Variants in ANKRD33B observed in about 807,000 individuals in gnomAD.
ANKRD33B encodes ankyrin repeat domain-containing protein 33B.
ANKRD33B carries 6 observed loss-of-function variants against 21.5 expected under a neutral mutation model. The observed-to-expected ratio is 0.28, with a 90% CI of 0.15 to 0.55. The LOEUF (loss-of-function observed/expected upper bound fraction) is 0.55, where lower values mean the gene tolerates loss of function less well. Among genes scored for constraint, ANKRD33B ranks in the 20% least tolerant of loss-of-function variants. ANKRD33B has a pLI of 0.94. For missense variants in ANKRD33B, 698 were observed against 747.2 expected (o/e 0.93, Z 0.77); for synonymous variants, 347 against 342.4 (o/e 1.01, Z -0.15).
chr5:10,645,515 T>C (rs772790354), intron 3 of ANKRD33B, among the ~76,000 whole-genome samples: 2 of 152,206 alleles, frequency 1.3e-5, no homozygotes, highest in Non-Finnish European at 2.9e-5. Flanking sequence ...AAATCCTGAC[T>C]AGACAGTGGC....
intron 1 of ANKRD33B, among the ~76,000 whole-genome samples, chr5:10,591,194 G>GTTTTTTTTTTTTTTTTT (rs749837253): frequency 3.5e-5 from 4 of 113,496 alleles, no homozygotes; most frequent in African/African-American, 6.5e-5. Flanking sequence ...TTTTTTTAGT[G>GTTTTTTTTTTTTTTTTT]GTTTTTTTTT....
chr5:10,603,893 G>A, intron 1 of ANKRD33B, among the ~76,000 whole-genome samples: 1 of 149,698 alleles, frequency 6.7e-6, no homozygotes. Flanking sequence ...TTCAAAAGGA[G>A]AACTTTTTTT....
chr5:10,569,384 C>G (rs1735126706), intron 1 of ANKRD33B, among the ~76,000 whole-genome samples: 2 of 151,940 alleles, frequency 1.3e-5, no homozygotes, highest in Admixed American at 1.3e-4. Flanking sequence ...ATCACTTGAG[C>G]CTAGGAGTTT....
intron 1 of ANKRD33B, among the ~76,000 whole-genome samples, chr5:10,575,227 G>T (rs181219134): frequency 3.0e-4 from 45 of 151,710 alleles, no homozygotes; most frequent in African/African-American, 1.1e-3. Context: ...GATCAAGACC[G>T]TCCTGGCCAA....
At position 10,566,439 on chromosome 5, in the gene ANKRD33B, G is replaced by C. The variant is rs374083256; in HGVS notation, c.366+1606G>C. The stretch of plus-strand genomic sequence containing the variant: ...TTGCTTTCTGGAAGCCAGTATGGGG[G>C]CCCGCTTTAAAGGAAGCCTCACCAA... On this transcript the variant is annotated intron_variant, in intron 1 of 3. Coordinates refer to ENST00000296657, the MANE Select transcript of ANKRD33B (RefSeq NM_001164440.2). Among the ~76,000 whole-genome samples the C allele has an allele frequency of 4.7e-3, 723 of 152,246 alleles. 3 individuals carry two copies. The highest frequency in any genetic ancestry group is 0.016 in the African/African-American group (684 of 41,528).
chr5:10,564,910 C>T (rs1208791287), intron 1 of ANKRD33B, 77 bp downstream of exon 1: 14 of 1,431,728 alleles, frequency 9.8e-6, no homozygotes, highest in Admixed American at 2.6e-5. Context: ...CCCCGCGCCT[C>T]CCAGCTCCTG....
At position 10,564,211 on chromosome 5, in the gene ANKRD33B, G is replaced by C. The variant is rs955536531; in HGVS notation, c.-257G>C. Reference sequence around the variant, plus strand: ...GGGGCGCGAGGGGAAGGCCCCGGGGGAAGGCGTGTCCCCGCGCCCCGCCCC... The same window carrying C: ...GGGGCGCGAGGGGAAGGCCCCGGGGCAAGGCGTGTCCCCGCGCCCCGCCCC... On this transcript the variant is annotated 5_prime_UTR_variant, in exon 1 of 4. Coordinates refer to ENST00000296657, the MANE Select transcript of ANKRD33B (RefSeq NM_001164440.2). 6.4e-6 allele frequency: 1 copy of C among 155,786 alleles called. No individual in the cohort carries two copies. Among genetic ancestry groups the C allele is most frequent in the Non-Finnish European group, 1.4e-5 (1 of 70,666 alleles). The allele number at this position is 155,786 out of a possible 1,614,324, so 9.7% of individuals were successfully genotyped here.
At chr5:10,604,289 TCAA>T (rs1735995008) in intron 1 of ANKRD33B, among the ~76,000 whole-genome samples, 1 of 150,178 alleles carries the variant, frequency 6.7e-6, no homozygotes, top group African/African-American at 2.5e-5. Context: ...CTTCCTGGGT[TCAA>T]GTGATTCTCC....
chr5:10,635,139 TTC>T (rs1736825811), intron 2 of ANKRD33B, among the ~76,000 whole-genome samples: 2 of 152,252 alleles, frequency 1.3e-5, no homozygotes, highest in South Asian at 4.2e-4. Context: ...TTTTTCCTCT[TTC>T]CACCTGTTCA....
At chr5:10,580,667 AGGCCAGTT>A (rs1560962813) in intron 1 of ANKRD33B, among the ~76,000 whole-genome samples, 1 of 151,850 alleles carries the variant, frequency 6.6e-6, no homozygotes, top group Non-Finnish European at 1.5e-5. Context: ...TGTGGAGAGT[AGGCCAGTT>A]GGCTTTGCCT....
At chr5:10,579,366 T>G (rs199560224) in intron 1 of ANKRD33B, among the ~76,000 whole-genome samples, 1 of 147,536 alleles carries the variant, frequency 6.8e-6, no homozygotes, top group Non-Finnish European at 1.5e-5. Context: ...TTTTTTTTTT[T>G]GGAAAAACCA....
chr5:10,582,053 T>C lies in ANKRD33B; in HGVS notation c.366+17220T>C, dbSNP rs558343048. The stretch of plus-strand genomic sequence containing the variant: ...CCCTGGACCACTTTCCTAAGAGTCA[T>C]GTGTGCATTCAGCCTCATGTGCAGA... On this transcript the variant is annotated intron_variant, in intron 1 of 3. Coordinates refer to ENST00000296657, the MANE Select transcript of ANKRD33B (RefSeq NM_001164440.2). Among the ~76,000 whole-genome samples, 113 of 152,308 alleles carry C rather than the reference T, an allele frequency of 7.4e-4. 1 individual carries two copies. The highest frequency in any genetic ancestry group is 3.4e-3 in the Middle Eastern group (1 of 294).
intron 1 of ANKRD33B, among the ~76,000 whole-genome samples, chr5:10,614,278 G>A (rs1736236871): frequency 6.6e-6 from 1 of 152,184 alleles, no homozygotes; most frequent in Admixed American, 6.5e-5. Context: ...TTTCCTCAAA[G>A]TCTGTTGATT....
chr5:10,574,101 C>T (rs1162282044), intron 1 of ANKRD33B, among the ~76,000 whole-genome samples: 11 of 152,208 alleles, frequency 7.2e-5, no homozygotes, highest in East Asian at 5.8e-4. Flanking sequence ...CGTGAGCAGG[C>T]GTGTACACAC....
intron 2 of ANKRD33B, among the ~76,000 whole-genome samples, chr5:10,620,536 A>T (rs1416067639): frequency 6.6e-6 from 1 of 152,110 alleles, no homozygotes; most frequent in East Asian, 1.9e-4. Flanking sequence ...GTACGATAAG[A>T]GGGGATTTCT....
rs1735330393 is a variant in ANKRD33B, at chr5:10,576,803, T to G, written c.366+11970T>G. ...TTAAGAAAATAGCACATCCACATGGTGAGGCCTCTTTTGTAACTGTTAAAA... is the reference window on the plus strand; with the variant it reads ...TTAAGAAAATAGCACATCCACATGGGGAGGCCTCTTTTGTAACTGTTAAAA... On this transcript the variant is annotated intron_variant, in intron 1 of 3. Transcript: ENST00000296657. The surrounding 1 kb of genome is among the most constrained non-coding windows in gnomAD (Gnocchi z 4.1). Among the ~76,000 whole-genome samples, 1 of 152,202 alleles carries G rather than the reference T, an allele frequency of 6.6e-6. No homozygotes were observed.
chr5:10,642,441 G>C (rs986279573), intron 3 of ANKRD33B, among the ~76,000 whole-genome samples: 3 of 152,134 alleles, frequency 2.0e-5, no homozygotes, highest in East Asian at 3.9e-4. Flanking sequence ...GTCTCTCCCT[G>C]TCCTATACGA....
intron 1 of ANKRD33B, among the ~76,000 whole-genome samples, chr5:10,600,616 C>T (rs1735908199): frequency 6.6e-6 from 1 of 152,162 alleles, no homozygotes; most frequent in Non-Finnish European, 1.5e-5. Flanking sequence ...ATAAAGCTGT[C>T]CTGAACATTC....
At chr5:10,624,922 G>A in intron 2 of ANKRD33B, 1 of 393,492 alleles carries the variant, frequency 2.5e-6, no homozygotes, top group South Asian at 1.8e-5. Flanking sequence ...AGATCAACAG[G>A]TTTCCTGGTG....
Sources: allele counts gnomAD v4.1 joint callset (sites outside exome capture counted in the v4.1 genomes callset), GRCh38; gene constraint gnomAD v4.1.1; non-coding constraint Gnocchi (gnomAD v3.1); transcripts MANE v1.5; gene names NCBI Gene and HGNC (gene_info 2026-07-23, HGNC 2026-07-21).